The following CPS1 variants were observed in gnomAD, a reference collection of about 807,000 sequenced individuals.
CPS1 encodes the protein carbamoyl-phosphate synthase [ammonia], mitochondrial.
A neutral mutation model predicts 174.6 loss-of-function variants in CPS1; 109 were observed. The observed-to-expected ratio is 0.62, with a 90% CI of 0.53 to 0.73. The LOEUF (loss-of-function observed/expected upper bound fraction) is 0.73. CPS1 is among the 30% of genes least tolerant of loss of function. The pLI is 0.00. For missense variants in CPS1, 1,689 were observed against 1,821.9 expected, an observed-to-expected ratio of 0.93 and a Z score of 1.33; for synonymous variants, 637 against 632.0, an observed-to-expected ratio of 1.01 and a Z score of -0.12.
chr2:210,673,516 G>A (rs1162355198), intron 34 of CPS1: 2 of 152,208 alleles, frequency 1.3e-5, no homozygotes, highest in Non-Finnish European at 2.9e-5. Context: ...CAGTGAGATG[G>A]AGCATTAGGG....
At position 210,501,749 on chromosome 2, in the gene CPS1, A is replaced by G. The variant is rs186007573; in HGVS notation, c.3+23983A>G. Among the ~76,000 whole-genome samples the G allele has an allele frequency of 2.6e-5, 4 of 152,234 alleles. No individual in the cohort carries two copies. The East Asian group carries it at 7.7e-4, about 29-fold the overall frequency. On this transcript the variant is annotated intron_variant, in intron 1 of 38. Transcript: ENST00000430249. ...TAGACAAGTCTCTAGGAAGTTCCAA[A>G]CTTTCTCACATCTTCCTGTCTTCTT... is the stretch of plus-strand genomic sequence containing the variant.
At chr2:210,655,887 T>G (rs764051562) in intron 29 of CPS1, among the ~76,000 whole-genome samples, 1 of 152,232 alleles carries the variant, frequency 6.6e-6, no homozygotes, top group Non-Finnish European at 1.5e-5. Flanking sequence ...TATTAACATA[T>G]AGGTTATAGT....
Position 210,590,796 on chromosome 2 carries a change from T to C in CPS1, c.841-4T>C. 1 of 1,608,790 alleles carries C rather than the reference T, an allele frequency of 6.2e-7. No homozygotes were observed. The highest frequency in any genetic ancestry group is 8.5e-7 in the Non-Finnish European group (1 of 1,176,236). ...TTGGTTAATAAAAATTCTCCCTGAT[T>C]TAGATTTTGGAGAGTGATCGCAAGG... On this transcript the variant is annotated splice_region_variant and splice_polypyrimidine_tract_variant and intron_variant, in intron 8 of 37. Coordinates refer to ENST00000233072, the MANE Select transcript of CPS1 (RefSeq NM_001875.5).
intron 1 of CPS1, among the ~76,000 whole-genome samples, chr2:210,520,382 G>A (rs1695789127): frequency 6.6e-6 from 1 of 151,894 alleles, no homozygotes; most frequent in Non-Finnish European, 1.5e-5. Flanking sequence ...GTGCCATGGT[G>A]GTTTGCTGCA....
At chr2:210,578,779 A>G (rs33949976) in intron 4 of CPS1, among the ~76,000 whole-genome samples, 1 of 152,228 alleles carries the variant, frequency 6.6e-6, no homozygotes, top group Non-Finnish European at 1.5e-5. Context: ...CCAGGCAGCT[A>G]ATTTCTGTAA....
chr2:210,594,410 G>A, intron 11 of CPS1, 98 bp from the exon 12 acceptor site: 1 of 788,602 alleles, frequency 1.3e-6, no homozygotes, highest in South Asian at 1.6e-5. Context: ...ATTATTTGTT[G>A]CTTATCTGAA....
chr2:210,676,842 A>G (rs564365400), intron 36 of CPS1, among the ~76,000 whole-genome samples, 165 bp from the exon 37 acceptor site: 24 of 152,350 alleles, frequency 1.6e-4, no homozygotes, highest in African/African-American at 5.8e-4. Flanking sequence ...TATAATCCCT[A>G]TATAAGTGTA....
intron 16 of CPS1, 109 bp from the exon 17 acceptor site, chr2:210,604,993 T>G: frequency 1.6e-6 from 2 of 1,212,740 alleles, no homozygotes; most frequent in South Asian, 1.3e-5. Flanking sequence ...GAGACGGGGT[T>G]TGAGAGTTCA....
At chr2:210,593,568 T>C in intron 11 of CPS1, 2 of 985,502 alleles carry the variant, frequency 2.0e-6, no homozygotes, top group Non-Finnish European at 2.4e-6. Flanking sequence ...CCAAATAAAT[T>C]CTTCTGGTGA....
intron 33 of CPS1, among the ~76,000 whole-genome samples, chr2:210,666,780 T>C (rs1474501131): frequency 1.3e-5 from 2 of 152,204 alleles, no homozygotes; most frequent in East Asian, 3.9e-4. Context: ...AGCTTTGTTC[T>C]TTTGACTTAG....
At chr2:210,503,862 A>C (rs1215535884) in intron 1 of CPS1, among the ~76,000 whole-genome samples, 2 of 151,796 alleles carry the variant, frequency 1.3e-5, no homozygotes, top group East Asian at 1.9e-4. Flanking sequence ...AATTCGGGTG[A>C]CGGCCAAAGC....
At chr2:210,564,601 C>G (rs990482113) in intron 1 of CPS1, among the ~76,000 whole-genome samples, 1 of 152,036 alleles carries the variant, frequency 6.6e-6, no homozygotes, top group Non-Finnish European at 1.5e-5. Context: ...TGGTCTCGAT[C>G]TCCTGACCTT....
At chr2:210,546,083 C>T (rs1172529614) in intron 1 of CPS1, among the ~76,000 whole-genome samples, 1 of 151,736 alleles carries the variant, frequency 6.6e-6, no homozygotes, top group Non-Finnish European at 1.5e-5. Flanking sequence ...CATTTTTGTC[C>T]ACTTCTAAGA....
chr2:210,534,728 T>G (rs1696202735), intron 1 of CPS1, among the ~76,000 whole-genome samples: 1 of 152,236 alleles, frequency 6.6e-6, no homozygotes, highest in Admixed American at 6.5e-5. Flanking sequence ...TTCAGTTGGC[T>G]GAAAACAGTT....
In CPS1 at chr2:210,595,229, T is replaced by C. The variant is rs1029536062; in HGVS notation, c.1264-258T>C. 2.6e-5 allele frequency among the ~76,000 whole-genome samples: 4 copies of C among 151,890 alleles called. 1 individual carries two copies. The highest frequency in any genetic ancestry group is 1.3e-4 in the Admixed American group (2 of 15,208). On this transcript the variant is annotated intron_variant, in intron 12 of 37. Coordinates refer to ENST00000233072, the MANE Select transcript of CPS1 (RefSeq NM_001875.5). ...GTATATATTTTTGGATATTTATATATGTTTAAATAAAATGTAAACCTCTGC... is the reference window on the plus strand; with the variant it reads ...GTATATATTTTTGGATATTTATATACGTTTAAATAAAATGTAAACCTCTGC...
intron 21 of CPS1, 68 bp from the exon 22 acceptor site, chr2:210,637,634 T>C (rs1298522907): frequency 1.3e-6 from 2 of 1,544,006 alleles, no homozygotes; most frequent in African/African-American, 2.7e-5. Flanking sequence ...GTTCTTGAAA[T>C]TGAACTTGTC....
At chr2:210,672,897 G>T (rs1209203797) in intron 34 of CPS1, 2 of 152,272 alleles carry the variant, frequency 1.3e-5, no homozygotes, top group African/African-American at 4.8e-5. Context: ...GAATCTGAAA[G>T]AATTTTATAT....
intron 1 of CPS1, among the ~76,000 whole-genome samples, chr2:210,524,985 C>A (rs545299862): frequency 1.3e-5 from 2 of 151,932 alleles, no homozygotes; most frequent in Non-Finnish European, 2.9e-5. Context: ...CAATTCAATT[C>A]TCAGGTTTCA....
At chr2:210,479,364 C>G (rs35003355) in intron 1 of CPS1, among the ~76,000 whole-genome samples, 15,910 of 143,626 alleles carry the variant, frequency 0.11, 1,029 homozygotes, top group East Asian at 0.22. Flanking sequence ...GAGTCTCGCT[C>G]TGTTGCCAGG....
Sources: allele counts gnomAD v4.1 joint callset (sites outside exome capture counted in the v4.1 genomes callset), GRCh38; gene constraint gnomAD v4.1.1; transcripts MANE v1.5; gene names NCBI Gene and HGNC (gene_info 2026-07-23, HGNC 2026-07-21).